The following FSHR variants were observed in gnomAD, a reference collection of about 807,000 sequenced individuals.
FSHR encodes the protein follicle stimulating hormone receptor.
FSHR carries 46 observed loss-of-function variants against 52.1 expected under a neutral mutation model. That is an observed-to-expected ratio of 0.88 (90% CI 0.70 to 1.13). The LOEUF (loss-of-function observed/expected upper bound fraction) is 1.13, where lower values mean the gene tolerates loss of function less well. Among genes scored for constraint, FSHR ranks in the 50% most tolerant of loss-of-function variants. FSHR has a pLI of 0.00. For synonymous variants in FSHR, 399 were observed against 309.6 expected (o/e 1.29, Z -3.03); for missense variants, 964 against 834.6 (o/e 1.16, Z -1.91).
intron 4 of FSHR, among the ~76,000 whole-genome samples, chr2:49,000,489 C>A (rs1189636448): frequency 2.0e-5 from 3 of 152,156 alleles, no homozygotes; most frequent in African/African-American, 7.2e-5. Flanking sequence ...TAAGGCAGAG[C>A]TCAGTGTAGC....
chr2:48,963,506 C>T lies in FSHR; in HGVS notation c.1315G>A (p.Gly439Arg), dbSNP rs1295516504. 3.1e-6 allele frequency: 5 copies of T among 1,614,192 alleles called. No individual in the cohort carries two copies. The highest frequency in any genetic ancestry group is 4.2e-6 in the Non-Finnish European group (5 of 1,180,020). Residue 439 changes from glycine to arginine, a missense_variant, in exon 10 of 10, where the codon GGG becomes AGG. Gly to Arg is a moderately radical substitution (Grantham distance 125). Coordinates refer to ENST00000406846, the MANE Select transcript of FSHR (RefSeq NM_000145.4). ...AAGCCAGCAGCATCACAGCCTGCCCCAGTTTGCCAGTCAATGGCATAGTTG... is the reference window on the plus strand; with the variant it reads ...AAGCCAGCAGCATCACAGCCTGCCCTAGTTTGCCAGTCAATGGCATAGTTG... Reference protein sequence around the residue: ...YHNYAIDWQTGAGCDAAGFFT... With the variant: ...YHNYAIDWQTRAGCDAAGFFT...
intron 6 of FSHR, among the ~76,000 whole-genome samples, chr2:48,984,308 C>T (rs1433981018): frequency 6.6e-6 from 1 of 152,126 alleles, no homozygotes; most frequent in Non-Finnish European, 1.5e-5. Context: ...TGGCTATGCA[C>T]CCCCAATGCC....
At position 48,962,618 on chromosome 2, in the gene FSHR, C is replaced by A; in HGVS notation, c.*115G>T. The A allele has an allele frequency of 1.8e-6, 2 of 1,086,760 alleles. No individual in the cohort carries two copies. Among genetic ancestry groups the A allele is most frequent in the Non-Finnish European group, 2.8e-6 (2 of 725,972 alleles). The allele number at this position is 1,086,760 out of a possible 1,614,324, so 67.3% of individuals were successfully genotyped here. A position where few individuals can be genotyped will look rare whatever the true frequency, so the allele number is the denominator to read the frequency against. On this transcript the variant is annotated 3_prime_UTR_variant, in exon 10 of 10. Coordinates refer to ENST00000406846, the MANE Select transcript of FSHR (RefSeq NM_000145.4). ...TGACCAATTTACCTTAAAGGTATGC[C>A]AGGAATATTAAATTAGATGAAATGT...
At chr2:49,020,300 T>A in intron 2 of FSHR, 140 bp from the exon 3 acceptor site, 2 of 754,150 alleles carry the variant, frequency 2.7e-6, no homozygotes, top group Non-Finnish European at 4.7e-6. Flanking sequence ...AAGTCAGCTG[T>A]AGTAATAAGG....
intron 2 of FSHR, among the ~76,000 whole-genome samples, chr2:49,051,084 T>A (rs7579827): frequency 0.14 from 22,052 of 152,148 alleles, 2,878 homozygotes; most frequent in African/African-American, 0.33. Flanking sequence ...TTTTTATTAC[T>A]GCTTAGTATT....
chr2:48,991,069 G>C (rs1466048472), intron 4 of FSHR, among the ~76,000 whole-genome samples: 1 of 152,038 alleles, frequency 6.6e-6, no homozygotes, highest in Non-Finnish European at 1.5e-5. Context: ...AAGACCCTAG[G>C]GTATGTATGT....
intron 1 of FSHR, among the ~76,000 whole-genome samples, chr2:49,098,247 A>G (rs566930079): frequency 6.6e-6 from 1 of 152,308 alleles, no homozygotes; most frequent in East Asian, 1.9e-4. Context: ...AACAAGCTGT[A>G]TTCTCTGTCC....
intron 4 of FSHR, among the ~76,000 whole-genome samples, chr2:48,991,974 A>G (rs1310012543): frequency 6.6e-6 from 1 of 151,302 alleles, no homozygotes; most frequent in Non-Finnish European, 1.5e-5. Flanking sequence ...GTATTTAGAG[A>G]GGAAGTGAAT....
chr2:49,040,428 T>TA (rs1280099339), intron 2 of FSHR, among the ~76,000 whole-genome samples: 2 of 151,802 alleles, frequency 1.3e-5, no homozygotes, highest in Admixed American at 6.6e-5. Context: ...CTCAATTTTT[T>TA]AAAAAAAGGT....
intron 1 of FSHR, among the ~76,000 whole-genome samples, chr2:49,107,491 G>C (rs907181002): frequency 2.6e-5 from 4 of 151,972 alleles, no homozygotes; most frequent in South Asian, 2.1e-4. Context: ...CACTCATCTT[G>C]TGTCTTAAAA....
At chr2:48,990,310 C>A (rs1447811620) in intron 5 of FSHR, among the ~76,000 whole-genome samples, 2 of 152,076 alleles carry the variant, frequency 1.3e-5, no homozygotes, top group East Asian at 3.8e-4. Context: ...AAAAAATGAG[C>A]CACTTTTTGA....
At chr2:49,076,147 A>G (rs1430387931) in intron 1 of FSHR, among the ~76,000 whole-genome samples, 1 of 152,210 alleles carries the variant, frequency 6.6e-6, no homozygotes, top group Non-Finnish European at 1.5e-5. Context: ...GGAACAAAAA[A>G]TCCCAATCTT....
In FSHR at chr2:49,127,755, T is replaced by C. The variant is rs201007899; in HGVS notation, c.152+26511A>G. Among the ~76,000 whole-genome samples the C allele has an allele frequency of 3.1e-3, 46 of 14,716 alleles. 1 individual carries two copies. The highest frequency in any genetic ancestry group is 0.013 in the African/African-American group (45 of 3,394). 9.7% of individuals were successfully genotyped at this position (14,716 alleles called of 152,430 possible). A position where few individuals can be genotyped will look rare whatever the true frequency, so the allele number is the denominator to read the frequency against. ...GTGCATGATTTCTTCTTCTTCTTTC[T>C]TCTTCTTCTTCTTCTTCTTCTTCTT... On this transcript the variant is annotated intron_variant, in intron 1 of 9. Transcript: ENST00000406846.
At chr2:49,121,620 T>A (rs1419867294) in intron 1 of FSHR, among the ~76,000 whole-genome samples, 1 of 152,192 alleles carries the variant, frequency 6.6e-6, no homozygotes, top group Non-Finnish European at 1.5e-5. Context: ...TCTATATGAC[T>A]TAATGACTTC....
At chr2:49,084,938 C>G (rs987222387) in intron 1 of FSHR, among the ~76,000 whole-genome samples, 1 of 152,116 alleles carries the variant, frequency 6.6e-6, no homozygotes, top group Non-Finnish European at 1.5e-5. Flanking sequence ...TGGTACCATT[C>G]CTTCTGAAAC....
intron 4 of FSHR, 85 bp downstream of exon 4, chr2:49,017,404 C>A: frequency 9.9e-7 from 1 of 1,014,012 alleles, no homozygotes; most frequent in Non-Finnish European, 1.5e-6. Flanking sequence ...AGTAATTGCT[C>A]CCCAGAGTAT....
At chr2:49,114,556 C>T (rs1430004284) in intron 1 of FSHR, among the ~76,000 whole-genome samples, 1 of 152,160 alleles carries the variant, frequency 6.6e-6, no homozygotes, top group Non-Finnish European at 1.5e-5. Flanking sequence ...AAGTGAACTA[C>T]TGTTTCTGAA....
At chr2:49,040,797 CAG>C (rs1668454250) in intron 2 of FSHR, among the ~76,000 whole-genome samples, 2 of 152,138 alleles carry the variant, frequency 1.3e-5, no homozygotes, top group South Asian at 4.2e-4. Context: ...TAAAATAAAA[CAG>C]AAGAGAATCA....
At chr2:49,018,356 G>A (rs1667570235) in intron 3 of FSHR, among the ~76,000 whole-genome samples, 1 of 152,146 alleles carries the variant, frequency 6.6e-6, no homozygotes, top group South Asian at 2.1e-4. Context: ...GGATCAATGT[G>A]TATTTGTAGA....
Sources: allele counts gnomAD v4.1 joint callset (sites outside exome capture counted in the v4.1 genomes callset), GRCh38; gene constraint gnomAD v4.1.1; transcripts MANE v1.5; gene names NCBI Gene and HGNC (gene_info 2026-07-23, HGNC 2026-07-21).